Variants in MACROD2 observed in about 807,000 individuals in gnomAD.
MACROD2 encodes the protein ADP-ribose glycohydrolase MACROD2.
A neutral mutation model predicts 70.4 loss-of-function variants in MACROD2; 36 were observed. That is an observed-to-expected ratio of 0.51 (90% confidence interval 0.39 to 0.68). The LOEUF (loss-of-function observed/expected upper bound fraction) is 0.68, where lower values mean the gene tolerates loss of function less well. MACROD2 is among the 30% of genes least tolerant of loss of function. MACROD2 has a pLI of 0.00. For synonymous variants in MACROD2, 172 were observed against 178.8 expected, an observed-to-expected ratio of 0.96 and a Z score of 0.30; for missense variants, 496 against 538.4, an observed-to-expected ratio of 0.92 and a Z score of 0.78.
At chr20:15,971,964 CT>C (rs2066237932) in intron 13 of MACROD2, among the ~76,000 whole-genome samples, 1 of 152,144 alleles carries the variant, frequency 6.6e-6, no homozygotes, top group Non-Finnish European at 1.5e-5. Context: ...TGTTATAACT[CT>C]GTTCCACATA....
intron 5 of MACROD2, among the ~76,000 whole-genome samples, chr20:14,854,043 T>C (rs2073227411): frequency 6.6e-6 from 1 of 152,120 alleles, no homozygotes; most frequent in South Asian, 2.1e-4. Context: ...CATTAGGGGC[T>C]TAGTATTTCT....
intron 3 of MACROD2, among the ~76,000 whole-genome samples, chr20:14,177,366 G>T (rs984195481): frequency 6.7e-6 from 1 of 149,524 alleles, no homozygotes; most frequent in Non-Finnish European, 1.5e-5. Context: ...GCCCAGGCTG[G>T]AGTGCAATGG....
At chr20:14,186,260 A>G (rs542881859) in intron 3 of MACROD2, among the ~76,000 whole-genome samples, 3 of 152,332 alleles carry the variant, frequency 2.0e-5, no homozygotes, top group East Asian at 1.9e-4. Context: ...ATCTTTGCCT[A>G]TCATATCAAT....
chr20:14,835,001 G>T (rs1251555793), intron 5 of MACROD2, among the ~76,000 whole-genome samples: 1 of 151,944 alleles, frequency 6.6e-6, no homozygotes. Flanking sequence ...GTGAGTGAAT[G>T]ATTGAGAAAC....
intron 4 of MACROD2, among the ~76,000 whole-genome samples, chr20:14,642,524 T>C (rs1286639112): frequency 1.3e-5 from 2 of 152,142 alleles, no homozygotes; most frequent in African/African-American, 2.4e-5. Flanking sequence ...TTTCTAACTT[T>C]TCATGTAAAG....
chr20:14,205,030 T>C (rs186879856), intron 3 of MACROD2, among the ~76,000 whole-genome samples: 2 of 152,244 alleles, frequency 1.3e-5, no homozygotes, highest in Non-Finnish European at 2.9e-5. Context: ...GCTACATATA[T>C]ATTCTGGACT....
intron 6 of MACROD2, among the ~76,000 whole-genome samples, chr20:15,403,327 A>T (rs1320890645): frequency 1.3e-5 from 2 of 151,848 alleles, no homozygotes; most frequent in East Asian, 3.9e-4. Context: ...TTGTTCTAAT[A>T]TTTTCTATAA....
intron 4 of MACROD2, among the ~76,000 whole-genome samples, chr20:14,583,674 C>A (rs183720415): frequency 6.6e-6 from 1 of 152,136 alleles, no homozygotes; most frequent in African/African-American, 2.4e-5. Context: ...ATATTAAGAT[C>A]TACCTTAGAA....
chr20:14,873,782 C>G (rs986908845), intron 5 of MACROD2, among the ~76,000 whole-genome samples: 18 of 152,050 alleles, frequency 1.2e-4, no homozygotes, highest in African/African-American at 4.1e-4. Flanking sequence ...TCGCTTGAAC[C>G]CAGGAGGCAG....
chr20:15,504,227 A>T (rs913197644), intron 8 of MACROD2, among the ~76,000 whole-genome samples: 1 of 152,112 alleles, frequency 6.6e-6, no homozygotes, highest in Non-Finnish European at 1.5e-5. Context: ...CACTTGTTTA[A>T]TTTACCCAAA....
At chr20:15,420,006 G>A (rs1351697176) in intron 6 of MACROD2, among the ~76,000 whole-genome samples, 2 of 152,192 alleles carry the variant, frequency 1.3e-5, no homozygotes, top group East Asian at 3.8e-4. Flanking sequence ...GTTTATAGAT[G>A]TAAACATTCT....
intron 4 of MACROD2, among the ~76,000 whole-genome samples, chr20:14,627,493 G>A (rs1408477750): frequency 6.6e-6 from 1 of 152,076 alleles, no homozygotes; most frequent in African/African-American, 2.4e-5. Context: ...TTCTCCTTCA[G>A]TTCAATCCCG....
intron 7 of MACROD2, among the ~76,000 whole-genome samples, chr20:15,455,616 T>C (rs535212197): frequency 6.6e-6 from 1 of 152,290 alleles, no homozygotes; most frequent in South Asian, 2.1e-4. Flanking sequence ...AAATATCATA[T>C]GGCTTTGAGC....
intron 7 of MACROD2, among the ~76,000 whole-genome samples, chr20:15,432,306 T>C (rs1473130605): frequency 2.0e-5 from 3 of 152,116 alleles, no homozygotes; most frequent in African/African-American, 7.2e-5. Flanking sequence ...GTATTTCTTT[T>C]GAAGGTCTTG....
At chr20:15,614,504 G>A (rs1246678699) in intron 8 of MACROD2, among the ~76,000 whole-genome samples, 2 of 152,126 alleles carry the variant, frequency 1.3e-5, no homozygotes, top group Admixed American at 6.5e-5. Flanking sequence ...TGTGCTCCAA[G>A]CCACATGTTC....
At chr20:14,010,384 G>A (rs1399644181) in intron 2 of MACROD2, among the ~76,000 whole-genome samples, 2 of 152,062 alleles carry the variant, frequency 1.3e-5, no homozygotes, top group Non-Finnish European at 2.9e-5. Context: ...CTCAGGGGTG[G>A]CAAAGGCAGA....
At chr20:14,780,172 G>A (rs1247941459) in intron 5 of MACROD2, among the ~76,000 whole-genome samples, 1 of 152,052 alleles carries the variant, frequency 6.6e-6, no homozygotes, top group Non-Finnish European at 1.5e-5. Context: ...TCCAGTTTGG[G>A]CAACTTAAGA....
At chr20:15,878,785 A>C (rs552092624) in intron 9 of MACROD2, among the ~76,000 whole-genome samples, 1 of 152,292 alleles carries the variant, frequency 6.6e-6, no homozygotes, top group East Asian at 1.9e-4. Flanking sequence ...AATCAATGTT[A>C]TAGAGCTCAA....
chr20:14,149,676 C>T (rs2054991190), intron 3 of MACROD2, among the ~76,000 whole-genome samples: 1 of 152,086 alleles, frequency 6.6e-6, no homozygotes, highest in Non-Finnish European at 1.5e-5. Context: ...TAATAGTAGC[C>T]ATTCTGACTG....
Sources: gnomAD v4.1 joint callset for allele counts (sites outside exome capture counted in the v4.1 genomes callset) on GRCh38, gnomAD v4.1.1 for gene constraint, MANE v1.5 for transcripts, NCBI Gene and HGNC (gene_info 2026-07-23, HGNC 2026-07-21) for gene names.